Variants in SHISA9 observed in about 807,000 individuals in gnomAD.
The protein encoded by SHISA9 is protein shisa-9.
In SHISA9, 13 loss-of-function variants were observed where a neutral mutation model predicts 38.0. The observed-to-expected ratio is 0.34, with a 90% CI of 0.22 to 0.54. The LOEUF is 0.54. SHISA9 is among the 20% of genes least tolerant of loss of function. The pLI is 0.91. For synonymous variants in SHISA9, 275 were observed against 242.0 expected (o/e 1.14, Z -1.27); for missense variants, 538 against 575.8 (o/e 0.93, Z 0.67).
chr16:12,937,863 C>CTT (rs5815729), intron 2 of SHISA9, among the ~76,000 whole-genome samples: 9 of 152,166 alleles, frequency 5.9e-5, no homozygotes, highest in African/African-American at 1.9e-4. Context: ...ATACTGGAGA[C>CTT]TTTTTTTTGC....
chr16:13,096,678 C>T (rs1257864849), intron 2 of SHISA9, among the ~76,000 whole-genome samples: 1 of 152,194 alleles, frequency 6.6e-6, no homozygotes, highest in Non-Finnish European at 1.5e-5. Flanking sequence ...GGAGTCAAGG[C>T]AGAGTCTATC....
the SHISA9 span, among the ~76,000 whole-genome samples, chr16:13,328,122 C>A: frequency 6.6e-6 from 1 of 152,296 alleles, no homozygotes; most frequent in Middle Eastern, 3.4e-3. Context: ...TCCCATTCCC[C>A]CTCCTCTTAA....
At chr16:13,438,254 G>A in the SHISA9 span, among the ~76,000 whole-genome samples, 1 of 152,162 alleles carries the variant, frequency 6.6e-6, no homozygotes, top group Non-Finnish European at 1.5e-5. Context: ...TCTGGAAAGT[G>A]GCAATGAAAT....
chr16:13,129,970 C>G (rs2050293052), intron 2 of SHISA9, among the ~76,000 whole-genome samples: 1 of 152,150 alleles, frequency 6.6e-6, no homozygotes, highest in South Asian at 2.1e-4. Context: ...GTTTTTTGTA[C>G]CTTTGAAACA....
chr16:13,115,992 G>C (rs1055263233), intron 2 of SHISA9, among the ~76,000 whole-genome samples: 3 of 152,054 alleles, frequency 2.0e-5, no homozygotes, highest in Non-Finnish European at 4.4e-5. Context: ...CTGCATGAAC[G>C]ACTCTGGGAT....
intron 2 of SHISA9, among the ~76,000 whole-genome samples, chr16:13,002,422 C>G (rs560944798): frequency 1.2e-4 from 18 of 152,162 alleles, no homozygotes; most frequent in African/African-American, 4.3e-4. Context: ...AGCGACGGCT[C>G]CAGGAAGTTA....
the SHISA9 span, among the ~76,000 whole-genome samples, chr16:13,506,822 G>A: frequency 6.6e-6 from 1 of 152,014 alleles, no homozygotes; most frequent in Non-Finnish European, 1.5e-5. Flanking sequence ...AGCCCTTGAG[G>A]CCAGGAGTCT....
chr16:13,050,325 T>C (rs897132010), intron 2 of SHISA9, among the ~76,000 whole-genome samples: 1 of 152,042 alleles, frequency 6.6e-6, no homozygotes, highest in East Asian at 1.9e-4. Context: ...GTTTTATATA[T>C]ATACATTTTA....
chr16:13,113,094 C>T (rs989252859), intron 2 of SHISA9, among the ~76,000 whole-genome samples: 1 of 151,146 alleles, frequency 6.6e-6, no homozygotes, highest in Non-Finnish European at 1.5e-5. Flanking sequence ...CCTGTAATCC[C>T]AGCTACTCGC....
chr16:13,023,680 C>T (rs971283456), intron 2 of SHISA9, among the ~76,000 whole-genome samples: 23 of 152,226 alleles, frequency 1.5e-4, no homozygotes, highest in Admixed American at 5.9e-4. Flanking sequence ...CTCCAGCATC[C>T]GTTGTTTCCT....
intron 2 of SHISA9, among the ~76,000 whole-genome samples, chr16:13,129,417 A>C (rs1461416236): frequency 1.3e-5 from 2 of 152,270 alleles, no homozygotes; most frequent in East Asian, 3.9e-4. Flanking sequence ...ACCAGCAGAC[A>C]AGGGGAGAGT....
rs72368949 is a variant in SHISA9, at chr16:12,972,041, TTGTGTG to T, written c.691+55262_691+55267del. ...GGCAAAATCTCTGCTCTCTTGGAGTTTGTGTGTGTGTGTGTGTGTGTGTGTGTGTGT... is the reference window on the plus strand; with the variant it reads ...GGCAAAATCTCTGCTCTCTTGGAGTTTGTGTGTGTGTGTGTGTGTGTGTGT... On this transcript the variant is annotated intron_variant, in intron 2 of 4. Transcript: ENST00000558583. 2.6e-3 allele frequency among the ~76,000 whole-genome samples: 363 copies of T among 142,028 alleles called. 2 individuals are homozygous for T. The highest frequency in any genetic ancestry group is 4.5e-3 in the South Asian group (19 of 4,212). The allele number at this position is 142,028 out of a possible 152,430, so 93.2% of individuals were successfully genotyped here.
the SHISA9 span, among the ~76,000 whole-genome samples, chr16:13,370,125 C>A: frequency 6.6e-6 from 1 of 152,112 alleles, no homozygotes; most frequent in Non-Finnish European, 1.5e-5. Flanking sequence ...CAGCCCGAGT[C>A]GAGCTCAGTG....
At chr16:13,358,000 G>GAT in the SHISA9 span, among the ~76,000 whole-genome samples, 50 of 152,256 alleles carry the variant, frequency 3.3e-4, no homozygotes, top group African/African-American at 1.1e-3. Flanking sequence ...CCATCTGGGC[G>GAT]ATATATATAC....
At chr16:12,915,801 CT>C (rs1404126358) in intron 1 of SHISA9, among the ~76,000 whole-genome samples, 1 of 152,176 alleles carries the variant, frequency 6.6e-6, no homozygotes, top group Non-Finnish European at 1.5e-5. Flanking sequence ...GGTAAAAACA[CT>C]GTTTATGTAA....
chr16:13,079,214 G>C (rs1322372926), intron 2 of SHISA9, among the ~76,000 whole-genome samples: 1 of 152,164 alleles, frequency 6.6e-6, no homozygotes, highest in East Asian at 1.9e-4. Flanking sequence ...ACAGGATCTA[G>C]AGTCCACCTG....
chr16:13,413,145 T>TTA, the SHISA9 span, among the ~76,000 whole-genome samples: 1 of 152,050 alleles, frequency 6.6e-6, no homozygotes, highest in Non-Finnish European at 1.5e-5. Flanking sequence ...GAGGAGGAGT[T>TTA]TATAACATTT....
chr16:13,140,851 A>C (rs994457885), intron 2 of SHISA9, among the ~76,000 whole-genome samples: 1 of 152,220 alleles, frequency 6.6e-6, no homozygotes, highest in South Asian at 2.1e-4. Flanking sequence ...AAGGCATTTG[A>C]AAGTATGAGA....
intron 2 of SHISA9, among the ~76,000 whole-genome samples, chr16:13,195,691 A>G (rs1465139260): frequency 6.6e-6 from 1 of 152,210 alleles, no homozygotes; most frequent in Non-Finnish European, 1.5e-5. Context: ...ATGAGTCATT[A>G]TAGTACATAT....
Sources: gnomAD v4.1 joint callset for allele counts (sites outside exome capture counted in the v4.1 genomes callset) on GRCh38, gnomAD v4.1.1 for gene constraint, MANE v1.5 for transcripts, NCBI Gene and HGNC (gene_info 2026-07-23, HGNC 2026-07-21) for gene names.